USP39: variants seen among roughly 807,000 people sequenced by gnomAD.
USP39 encodes the protein ubiquitin carboxyl-terminal hydrolase 39.
A neutral mutation model predicts 66.4 loss-of-function variants in USP39; 38 were observed. The ratio of observed to expected loss-of-function variants is 0.57; its 90% CI spans 0.44 to 0.75. The LOEUF is 0.75. Among genes scored for constraint, USP39 ranks in the 30% least tolerant of loss-of-function variants. USP39 has a pLI of 0.00. For missense variants in USP39, 608 were observed against 714.4 expected, an observed-to-expected ratio of 0.85 and a Z score of 1.70; for synonymous variants, 303 against 274.6, an observed-to-expected ratio of 1.10 and a Z score of -1.02.
chr2:85,616,308 C>T lies in USP39; in HGVS notation c.113C>T (p.Pro38Leu), dbSNP rs114838872. 0.058 allele frequency: 91,449 copies of T among 1,580,992 alleles called. 2,899 individuals are homozygous for T. Among genetic ancestry groups the T allele is most frequent in the Middle Eastern group, 0.067 (393 of 5,834 alleles). ...VKRERDRERE[P>L]EAASSRGSPV... ...CGGGAGCGAGATCGGGAGCGGGAGC[C>T]TGAGGCGGCGAGCTCCCGGGGCAGC... is the stretch of plus-strand genomic sequence containing the variant. Residue 38 changes from proline (P) to leucine (L), a missense_variant, in exon 1 of 13, where the codon CCT (proline) becomes CTT (leucine). By Grantham distance (98) the Pro-to-Leu change is moderately conservative (BLOSUM62 -3). Transcript: ENST00000323701.
At chr2:85,631,855 T>C (rs759138724) in intron 6 of USP39, among the ~76,000 whole-genome samples, 8 of 152,028 alleles carry the variant, frequency 5.3e-5, no homozygotes, top group Non-Finnish European at 7.4e-5. Context: ...TTCAAGGGAT[T>C]CTCCTGCCTC....
chr2:85,633,632 G>A (rs1435658569), intron 6 of USP39, among the ~76,000 whole-genome samples: 2 of 152,116 alleles, frequency 1.3e-5, no homozygotes, highest in African/African-American at 4.8e-5. Context: ...CCCAGGCATG[G>A]TGGCATGTAC....
intron 10 of USP39, 103 bp downstream of exon 10, chr2:85,641,221 C>CA: frequency 7.0e-7 from 1 of 1,436,186 alleles, no homozygotes; most frequent in Non-Finnish European, 9.6e-7. Context: ...TTGGGGATTA[C>CA]AAGGAACAGA....
rs1488840490 is a variant in USP39, at chr2:85,621,488, T to C, written c.342T>C (p.Ser114=). 6.2e-7 allele frequency: 1 copy of C among 1,613,964 alleles called. No homozygotes were observed. Among genetic ancestry groups the C allele is most frequent in the East Asian group, 2.2e-5 (1 of 44,884 alleles). Residue 114 remains serine (S), a synonymous_variant, in exon 3 of 13, where the codon AGT becomes AGC. Transcript: ENST00000323701. ...TTTTTCTGTTTTGTTTCCTTAGGAG[T>C]GTGCTGGACTTTGACTTTGAGAAAC... is the stretch of plus-strand genomic sequence containing the variant. ...HCPYLDTINR[S]VLDFDFEKLC... is the part of the protein sequence containing the mutation.
In USP39 at chr2:85,630,778, A is replaced by G; in HGVS notation, c.781A>G (p.Asn261Asp). 1 of 1,614,218 alleles carries G rather than the reference A, an allele frequency of 6.2e-7. No individual in the cohort carries two copies. Among genetic ancestry groups the G allele is most frequent in the Non-Finnish European group, 8.5e-7 (1 of 1,180,032 alleles). The change falls in exon 6 of 13, where the codon AAC becomes GAC. Residue 261 changes from asparagine to aspartate, a missense_variant. By Grantham distance (23) the Asn-to-Asp change is conservative (BLOSUM62 1). This residue lies in a region of USP39 where 33 missense variants were observed against 21.7 expected (regional missense o/e 1.52). Transcript: ENST00000323701. ...CTTTCTGGAAGAAGACAATTATAAGAACATCAAACGTCCTCCAGGGGATAT... is the reference window on the plus strand; with the variant it reads ...CTTTCTGGAAGAAGACAATTATAAGGACATCAAACGTCCTCCAGGGGATAT... ...NYFLEEDNYK[N>D]IKRPPGDIMF...
At chr2:85,621,905 C>T (rs896521925) in intron 3 of USP39, among the ~76,000 whole-genome samples, 10 of 152,102 alleles carry the variant, frequency 6.6e-5, no homozygotes, top group Admixed American at 1.3e-4. Context: ...CTGCAACCTC[C>T]GCCTCCTGGG....
Position 85,616,210 on chromosome 2 carries a change from T to G in USP39, c.15T>G (p.Ser5=). Residue 5 remains serine (S), a synonymous_variant, in exon 1 of 13, where the codon TCT becomes TCG. Coordinates refer to ENST00000323701, the MANE Select transcript of USP39 (RefSeq NM_006590.4). MSGR[S]KRESRGSTRG... is the part of the protein sequence containing the mutation. The stretch of plus-strand genomic sequence containing the variant: ...CGGTAGTGGAGATGTCCGGCCGGTC[T>G]AAGCGGGAGTCTCGCGGTTCCACTC... 2 of 1,455,754 alleles carry G rather than the reference T, an allele frequency of 1.4e-6. No individual in the cohort carries two copies. Among genetic ancestry groups the G allele is most frequent in the South Asian group, 1.4e-5 (1 of 70,596 alleles). 90.2% of individuals were successfully genotyped at this position (1,455,754 alleles called of 1,614,324 possible). A position where few individuals can be genotyped will look rare whatever the true frequency, so the allele number is the denominator to read the frequency against.
At chr2:85,648,079 G>A in intron 12 of USP39, 63 bp downstream of exon 12, 1 of 1,569,184 alleles carries the variant, frequency 6.4e-7, no homozygotes, top group Non-Finnish European at 8.8e-7. Flanking sequence ...TGAGAGGAGT[G>A]GGCCAAGGCA....
chr2:85,603,595 C>CTTTTTT (rs767019412), intron 1 of USP39, among the ~76,000 whole-genome samples: 5 of 143,090 alleles, frequency 3.5e-5, no homozygotes, highest in Non-Finnish European at 6.1e-5. Context: ...TTTTCTTTTT[C>CTTTTTT]TTTTTTTTTT....
At chr2:85,621,745 A>C (rs1313460224) in intron 3 of USP39, among the ~76,000 whole-genome samples, 166 bp downstream of exon 3, 2 of 152,174 alleles carry the variant, frequency 1.3e-5, no homozygotes, top group Non-Finnish European at 2.9e-5. Flanking sequence ...GACTGGTCAG[A>C]ACCTGGATAT....
At chr2:85,616,678 C>CT (rs4019533) in intron 1 of USP39, among the ~76,000 whole-genome samples, 3 of 106,922 alleles carry the variant, frequency 2.8e-5, no homozygotes, top group Non-Finnish European at 3.8e-5. Flanking sequence ...TTTCTTTTTT[C>CT]TTTTTTTTTT....
At chr2:85,633,918 A>G (rs1675566398) in intron 6 of USP39, among the ~76,000 whole-genome samples, 1 of 138,834 alleles carries the variant, frequency 7.2e-6, no homozygotes, top group Non-Finnish European at 1.5e-5. Flanking sequence ...GCTCACTGCA[A>G]GCTCCGCCTC....
upstream of USP39, chr2:85,610,484 C>T (rs1558838988): frequency 6.6e-6 from 1 of 152,226 alleles, no homozygotes; most frequent in Non-Finnish European, 1.5e-5. Context: ...CAAATCCAGG[C>T]TCTGCCATTT....
chr2:85,618,598 C>G (rs1441175880), intron 1 of USP39, among the ~76,000 whole-genome samples: 4 of 150,620 alleles, frequency 2.7e-5, no homozygotes, highest in African/African-American at 7.3e-5. Flanking sequence ...AAACACACAA[C>G]TATATGGTAC....
upstream of USP39, chr2:85,609,132 C>A: frequency 6.3e-7 from 1 of 1,584,708 alleles, no homozygotes; most frequent in Non-Finnish European, 8.6e-7. Context: ...CCTGCCCTGT[C>A]CCTAAACACT....
intron 7 of USP39, 73 bp downstream of exon 7, chr2:85,636,203 C>T (rs867150389): frequency 6.4e-6 from 9 of 1,407,568 alleles, no homozygotes; most frequent in Non-Finnish European, 9.0e-6. Context: ...CGCAATGGCT[C>T]ATGCCTATAA....
chr2:85,648,040 A>G, intron 12 of USP39, 24 bp downstream of exon 12: 2 of 1,613,032 alleles, frequency 1.2e-6, no homozygotes, highest in Non-Finnish European at 1.7e-6. Flanking sequence ...AGGCTTAGTG[A>G]GCCACAAATA....
chr2:85,611,746 T>C (rs1558840617), upstream of USP39: 4 of 1,611,316 alleles, frequency 2.5e-6, no homozygotes, highest in South Asian at 2.2e-5. Flanking sequence ...CTCCTCACCT[T>C]CTCCTTGGCC....
upstream of USP39, chr2:85,609,117 G>C: frequency 6.2e-7 from 1 of 1,604,592 alleles, no homozygotes; most frequent in Admixed American, 1.7e-5. Context: ...CTTCCAGAAA[G>C]GTGACCTGCC....
Sources: gnomAD v4.1 joint callset for allele counts (sites outside exome capture counted in the v4.1 genomes callset) on GRCh38, gnomAD v4.1.1 for gene constraint, gnomAD v4.1.1 regional missense constraint, MANE v1.5 for transcripts, NCBI Gene and HGNC (gene_info 2026-07-23, HGNC 2026-07-21) for gene names.